The following SOHLH2 variants were observed in gnomAD, a reference collection of about 807,000 sequenced individuals.
SOHLH2 encodes spermatogenesis- and oogenesis-specific basic helix-loop-helix-containing protein 2.
SOHLH2 carries 22 observed loss-of-function variants against 50.4 expected under a neutral mutation model. The observed-to-expected ratio is 0.44, with a 90% CI of 0.31 to 0.62. The LOEUF (loss-of-function observed/expected upper bound fraction) is 0.62. Among genes scored for constraint, SOHLH2 ranks in the 20% least tolerant of loss-of-function variants. SOHLH2 has a pLI of 0.08. For missense variants in SOHLH2, 412 were observed against 504.4 expected, an observed-to-expected ratio of 0.82 and a Z score of 1.76; for synonymous variants, 185 against 187.3, an observed-to-expected ratio of 0.99 and a Z score of 0.10.
At chr13:36,192,756 C>T (rs563670317) in intron 4 of SOHLH2, among the ~76,000 whole-genome samples, 2 of 152,260 alleles carry the variant, frequency 1.3e-5, no homozygotes, top group African/African-American at 2.4e-5. Flanking sequence ...ATATCTATCA[C>T]GTCACATCGT....
At chr13:36,190,163 T>A in intron 5 of SOHLH2, 107 bp from the exon 6 acceptor site, 1 of 978,448 alleles carries the variant, frequency 1.0e-6, no homozygotes. Context: ...CTAAGTCTCT[T>A]GCTTCATACA....
chr13:36,188,480 C>T (rs1887488105), intron 6 of SOHLH2, among the ~76,000 whole-genome samples: 1 of 152,110 alleles, frequency 6.6e-6, no homozygotes, highest in African/African-American at 2.4e-5. Flanking sequence ...ATCTGTGTTC[C>T]TGTCTTTCTT....
chr13:36,174,362 C>A, intron 8 of SOHLH2, 114 bp downstream of exon 8: 1 of 1,400,936 alleles, frequency 7.1e-7, no homozygotes, highest in Admixed American at 2.4e-5. Context: ...TTCGCTGACC[C>A]TTAATAAGCC....
intron 1 of SOHLH2, among the ~76,000 whole-genome samples, chr13:36,204,943 A>G (rs942920717): frequency 6.6e-6 from 1 of 152,098 alleles, no homozygotes; most frequent in Non-Finnish European, 1.5e-5. Context: ...AGTTTTATGG[A>G]CTTTCATATC....
intron 9 of SOHLH2, among the ~76,000 whole-genome samples, chr13:36,171,481 C>T (rs540916615): frequency 1.3e-5 from 2 of 152,176 alleles, no homozygotes; most frequent in African/African-American, 2.4e-5. Flanking sequence ...CTTCCTGATG[C>T]GGGTAGTGAA....
intron 2 of SOHLH2, among the ~76,000 whole-genome samples, chr13:36,196,229 G>A (rs1294924717): frequency 3.3e-5 from 5 of 151,588 alleles, no homozygotes; most frequent in African/African-American, 9.7e-5. Flanking sequence ...AAGCTCAAGC[G>A]ATCCTGTACC....
At chr13:36,202,787 T>C (rs1296723339) in intron 1 of SOHLH2, among the ~76,000 whole-genome samples, 2 of 152,190 alleles carry the variant, frequency 1.3e-5, no homozygotes, top group African/African-American at 2.4e-5. Flanking sequence ...CAATTGGAAA[T>C]GCCAGGCCAT....
chr13:36,205,003 C>G (rs1350606679), intron 1 of SOHLH2, among the ~76,000 whole-genome samples: 3 of 152,090 alleles, frequency 2.0e-5, no homozygotes, highest in Non-Finnish European at 4.4e-5. Flanking sequence ...CTACGTATTC[C>G]CAGATATTTC....
chr13:36,172,111 T>C (rs1886973962), intron 9 of SOHLH2, among the ~76,000 whole-genome samples: 1 of 152,196 alleles, frequency 6.6e-6, no homozygotes, highest in Non-Finnish European at 1.5e-5. Context: ...CACAGGTCTA[T>C]TCCTAGCATA....
intron 8 of SOHLH2, among the ~76,000 whole-genome samples, chr13:36,174,069 C>T (rs568448815): frequency 1.4e-4 from 21 of 152,308 alleles, no homozygotes; most frequent in African/African-American, 4.8e-4. Flanking sequence ...TGGGAAGTCA[C>T]ATTTTGCACT....
intron 10 of SOHLH2, among the ~76,000 whole-genome samples, 189 bp from the exon 11 acceptor site, chr13:36,169,243 C>T (rs1453548479): frequency 6.6e-6 from 1 of 152,124 alleles, no homozygotes; most frequent in Non-Finnish European, 1.5e-5. Context: ...TTTCTCACAA[C>T]AATTCAACAA....
intron 1 of SOHLH2, among the ~76,000 whole-genome samples, chr13:36,203,609 G>C (rs1424240753): frequency 6.6e-6 from 1 of 152,014 alleles, no homozygotes; most frequent in East Asian, 1.9e-4. Context: ...TACTCCAAAG[G>C]ATACAAAAAT....
At chr13:36,213,677 A>G (rs1869255668) in intron 1 of SOHLH2, among the ~76,000 whole-genome samples, 1 of 152,180 alleles carries the variant, frequency 6.6e-6, no homozygotes, top group African/African-American at 2.4e-5. Context: ...GGTGCTTTCA[A>G]GAGAGGCCAG....
intron 9 of SOHLH2, among the ~76,000 whole-genome samples, chr13:36,171,646 G>T (rs966715143): frequency 6.6e-6 from 1 of 152,062 alleles, no homozygotes; most frequent in Non-Finnish European, 1.5e-5. Flanking sequence ...ACTCTTCCAG[G>T]AATCCAGTCC....
intron 6 of SOHLH2, among the ~76,000 whole-genome samples, chr13:36,187,984 C>T (rs1013582856): frequency 6.6e-6 from 1 of 152,136 alleles, no homozygotes; most frequent in Non-Finnish European, 1.5e-5. Context: ...GGCAGCGTCC[C>T]CTTCCTGTCT....
intron 2 of SOHLH2, among the ~76,000 whole-genome samples, chr13:36,196,644 AG>A (rs1887741317): frequency 6.6e-6 from 1 of 152,232 alleles, no homozygotes; most frequent in Non-Finnish European, 1.5e-5. Flanking sequence ...TTTTAAAAAC[AG>A]GTTGTTTGCT....
At chr13:36,205,197 G>A (rs1868675369) in intron 1 of SOHLH2, among the ~76,000 whole-genome samples, 1 of 152,108 alleles carries the variant, frequency 6.6e-6, no homozygotes, top group Non-Finnish European at 1.5e-5. Flanking sequence ...TTCCTAGGTA[G>A]GCAATCCTAC....
chr13:36,172,798 C>T (rs965467537), intron 9 of SOHLH2, among the ~76,000 whole-genome samples: 5 of 152,134 alleles, frequency 3.3e-5, no homozygotes, highest in African/African-American at 1.2e-4. Flanking sequence ...TTGGTGAGAG[C>T]AGAGCCTGTT....
Position 36,169,039 on chromosome 13 carries a change from A to T in SOHLH2, c.1273T>A (p.Tyr425Asn), listed in dbSNP as rs1252170184. ...HPNCLQQFWA[Y>N] is the part of the protein sequence containing the mutation. Reference sequence around the variant, plus strand: ...TGAATTTCAAACATGTGCTTTTAATACGCCCAAAACTGTTGCTGCAAAGAA... The same window carrying T: ...TGAATTTCAAACATGTGCTTTTAATTCGCCCAAAACTGTTGCTGCAAAGAA... The change falls in exon 11 of 11, where the codon TAT becomes AAT. Residue 425 changes from tyrosine (Y) to asparagine (N), a missense_variant. Transcript: ENST00000379881. 1 of 1,607,000 alleles carries T rather than the reference A, an allele frequency of 6.2e-7. No individual in the cohort carries two copies. Among genetic ancestry groups the T allele is most frequent in the Non-Finnish European group, 8.5e-7 (1 of 1,177,862 alleles).
Sources: allele counts gnomAD v4.1 joint callset (sites outside exome capture counted in the v4.1 genomes callset), GRCh38; gene constraint gnomAD v4.1.1; transcripts MANE v1.5; gene names NCBI Gene and HGNC (gene_info 2026-07-23, HGNC 2026-07-21).